Variants in ACCSL observed in about 807,000 individuals in gnomAD.
ACCSL encodes the protein probable inactive 1-aminocyclopropane-1-carboxylate synthase-like protein 2.
ACCSL carries 55 observed loss-of-function variants against 61.7 expected under a neutral mutation model. The observed-to-expected ratio is 0.89, with a 90% CI of 0.72 to 1.12. The LOEUF (loss-of-function observed/expected upper bound fraction) is 1.12. Among genes scored for constraint, ACCSL ranks in the 50% most tolerant of loss-of-function variants. The pLI is 0.00. For synonymous variants in ACCSL, 258 were observed against 264.3 expected (o/e 0.98, Z 0.23); for missense variants, 632 against 698.0 (o/e 0.91, Z 1.07).
At chr11:43,943,862 G>A in the ACCSL span, 14 of 1,271,200 alleles carry the variant, frequency 1.1e-5, no homozygotes, top group Non-Finnish European at 1.3e-5. This position sits in a 1 kb window ranked among gnomAD's most constrained non-coding sequence, Gnocchi z 4.8. Flanking sequence ...GACAAATAAA[G>A]TCAATATATT....
the ACCSL span, among the ~76,000 whole-genome samples, chr11:43,980,128 A>G: frequency 0.26 from 40,299 of 152,104 alleles, 5,633 homozygotes; most frequent in Non-Finnish European, 0.32. Context: ...CTTGGCATAC[A>G]TGTAAATCTC....
the ACCSL span, among the ~76,000 whole-genome samples, chr11:44,012,225 G>A: frequency 6.6e-6 from 1 of 152,076 alleles, no homozygotes; most frequent in South Asian, 2.1e-4. Context: ...AAGACCTGAT[G>A]CTGGCTAGGT....
chr11:44,055,663 A>T (rs1309416100), intron 9 of ACCSL, among the ~76,000 whole-genome samples: 1 of 152,244 alleles, frequency 6.6e-6, no homozygotes, highest in Non-Finnish European at 1.5e-5. Flanking sequence ...AAGGGAAGGA[A>T]ATGCCTGGCA....
At chr11:44,055,508 G>A (rs1404979072) in intron 9 of ACCSL, among the ~76,000 whole-genome samples, 1 of 152,216 alleles carries the variant, frequency 6.6e-6, no homozygotes, top group East Asian at 1.9e-4. Context: ...AAGGTAGAAA[G>A]TCTACTGTCA....
chr11:43,922,946 G>T, the ACCSL span, among the ~76,000 whole-genome samples: 1 of 152,232 alleles, frequency 6.6e-6, no homozygotes, highest in Non-Finnish European at 1.5e-5. Context: ...TGCATCCCCA[G>T]TGTTGAAATC....
At chr11:43,951,932 T>TA in the ACCSL span, among the ~76,000 whole-genome samples, 1 of 151,850 alleles carries the variant, frequency 6.6e-6, no homozygotes, top group Admixed American at 6.6e-5. Context: ...ATCCTGGAGG[T>TA]AGAGGTTATA....
At chr11:43,941,694 T>C in the ACCSL span, among the ~76,000 whole-genome samples, 14 of 152,208 alleles carry the variant, frequency 9.2e-5, no homozygotes, top group Non-Finnish European at 1.6e-4. Flanking sequence ...CCCATCTGTT[T>C]CCATCAGATA....
the ACCSL span, among the ~76,000 whole-genome samples, chr11:43,951,896 GA>G: frequency 6.6e-6 from 1 of 152,160 alleles, no homozygotes; most frequent in African/African-American, 2.4e-5. Flanking sequence ...AGCTACTCGG[GA>G]GACTGAGGCA....
the ACCSL span, among the ~76,000 whole-genome samples, chr11:44,005,489 G>A: frequency 9.9e-3 from 1,510 of 152,246 alleles, 29 homozygotes; most frequent in African/African-American, 0.035. Context: ...GGGGCTCTGG[G>A]TGGCAAATCT....
At chr11:43,960,393 C>T in the ACCSL span, among the ~76,000 whole-genome samples, 2 of 151,882 alleles carry the variant, frequency 1.3e-5, no homozygotes, top group African/African-American at 2.4e-5. Flanking sequence ...CTGCCTTTTT[C>T]GTTTGTTTGT....
chr11:44,057,927 C>A (rs986024743), intron 11 of ACCSL, among the ~76,000 whole-genome samples: 14 of 152,228 alleles, frequency 9.2e-5, no homozygotes, highest in African/African-American at 3.1e-4. Flanking sequence ...AATCCCAGCA[C>A]TTTGGGAGGC....
At chr11:44,001,775 C>CTGTGTGTGTGTGTGTGTG in the ACCSL span, among the ~76,000 whole-genome samples, 41 of 96,834 alleles carry the variant, frequency 4.2e-4, no homozygotes, top group African/African-American at 1.6e-3. Context: ...GGTAAAGGGG[C>CTGTGTGTGTGTGTGTGTG]TGTGTGTGTG....
Position 44,051,735 on chromosome 11 carries a change from C to T in ACCSL, c.772+16C>T, listed in dbSNP as rs372923815. 3 of 1,613,824 alleles carry T rather than the reference C, an allele frequency of 1.9e-6. No homozygotes were observed. ...GATCCAGGCGGTAAGTCAGTGGGCT[C>T]TCCTTTCACTCTCAGTGAAATACTA... On this transcript the variant is annotated intron_variant, in intron 5 of 13. Coordinates refer to ENST00000378832, the MANE Select transcript of ACCSL (RefSeq NM_001031854.2).
the ACCSL span, among the ~76,000 whole-genome samples, chr11:43,948,193 G>A: frequency 6.6e-6 from 1 of 152,198 alleles, no homozygotes; most frequent in Admixed American, 6.5e-5. Flanking sequence ...GCTCTAGAGG[G>A]AAGGGCTGCC....
chr11:43,967,803 TA>T, the ACCSL span, among the ~76,000 whole-genome samples: 31 of 152,350 alleles, frequency 2.0e-4, no homozygotes, highest in African/African-American at 7.2e-4. Context: ...CAGCTATTGG[TA>T]GAAGTTTCTT....
At chr11:43,997,531 T>G in the ACCSL span, among the ~76,000 whole-genome samples, 1 of 152,188 alleles carries the variant, frequency 6.6e-6, no homozygotes, top group Non-Finnish European at 1.5e-5. Flanking sequence ...TCTCCTACTC[T>G]CCCCATTCTC....
the ACCSL span, among the ~76,000 whole-genome samples, chr11:44,039,943 C>T: frequency 1.3e-4 from 20 of 152,358 alleles, no homozygotes; most frequent in South Asian, 3.3e-3. Context: ...TATCTGCTCC[C>T]GTCTAGTCCT....
the ACCSL span, among the ~76,000 whole-genome samples, chr11:44,016,687 A>C: frequency 6.6e-6 from 1 of 152,092 alleles, no homozygotes; most frequent in African/African-American, 2.4e-5. Flanking sequence ...CAAATACAGG[A>C]CTTCATGATA....
chr11:44,014,944 T>G, the ACCSL span, among the ~76,000 whole-genome samples: 1 of 152,162 alleles, frequency 6.6e-6, no homozygotes, highest in Admixed American at 6.5e-5. Flanking sequence ...CCAGGGCCAG[T>G]GGCGGCCTGA....
Sources: allele counts gnomAD v4.1 joint callset (sites outside exome capture counted in the v4.1 genomes callset), GRCh38; gene constraint gnomAD v4.1.1; non-coding constraint Gnocchi (gnomAD v3.1); transcripts MANE v1.5; gene names NCBI Gene and HGNC (gene_info 2026-07-23, HGNC 2026-07-21).